EPN2: variants seen among roughly 807,000 people sequenced by gnomAD.
EPN2 encodes the protein epsin 2, also known as epsin-2.
EPN2 carries 34 observed loss-of-function variants against 61.7 expected under a neutral mutation model. The observed-to-expected ratio is 0.55, with a 90% CI of 0.42 to 0.73. The LOEUF is 0.73. EPN2 is among the 30% of genes least tolerant of loss of function. The pLI is 0.00. For missense variants in EPN2, 714 were observed against 839.2 expected, an observed-to-expected ratio of 0.85 and a Z score of 1.84; for synonymous variants, 349 against 353.6, an observed-to-expected ratio of 0.99 and a Z score of 0.15.
chr17:19,329,522 G>A lies in EPN2; in HGVS notation c.1325-39G>A, dbSNP rs770200420. On this transcript the variant is annotated intron_variant, in intron 8 of 10. Transcript: ENST00000314728. ...GGCAGTGGAGTTGCCATGAAGTCCT[G>A]TGAGATGCCCCCAGTCATTGGCTTC... The A allele has an allele frequency of 1.0e-5, 14 of 1,373,316 alleles. No individual in the cohort carries two copies. In the Admixed American group the frequency reaches 2.4e-4, roughly 23 times the overall value. 85.1% of individuals were successfully genotyped at this position (1,373,316 alleles called of 1,614,324 possible). A position where few individuals can be genotyped will look rare whatever the true frequency, so the allele number is the denominator to read the frequency against.
intron 1 of EPN2, among the ~76,000 whole-genome samples, chr17:19,265,637 C>A (rs2045189537): frequency 6.6e-6 from 1 of 152,118 alleles, no homozygotes; most frequent in South Asian, 2.1e-4. Context: ...TTGTCCCCAT[C>A]TTCCTCTGCT....
At chr17:19,288,565 C>A (rs1442473676) in intron 4 of EPN2, among the ~76,000 whole-genome samples, 1 of 152,008 alleles carries the variant, frequency 6.6e-6, no homozygotes, top group African/African-American at 2.4e-5. Context: ...TGTGCAAAGG[C>A]CCTGAGGTGG....
intron 4 of EPN2, among the ~76,000 whole-genome samples, chr17:19,305,756 A>G (rs765872885): frequency 1.3e-4 from 20 of 152,112 alleles, no homozygotes; most frequent in Non-Finnish European, 2.6e-4. Flanking sequence ...CCTGGAGCAG[A>G]CAGGGTGGAC....
intron 4 of EPN2, among the ~76,000 whole-genome samples, chr17:19,287,986 C>A (rs539264566): frequency 6.6e-6 from 1 of 152,196 alleles, no homozygotes; most frequent in East Asian, 1.9e-4. Flanking sequence ...GCCTTCTGAC[C>A]AATTTCCTGC....
At chr17:19,287,930 GTC>G (rs1304519814) in intron 4 of EPN2, among the ~76,000 whole-genome samples, 2 of 152,170 alleles carry the variant, frequency 1.3e-5, no homozygotes, top group African/African-American at 2.4e-5. Context: ...GACCTTGGAA[GTC>G]TCTTGAATTG....
Position 19,312,159 on chromosome 17 carries a change from G to A in EPN2, c.972+15G>A, listed in dbSNP as rs748515441. 6.3e-7 allele frequency: 1 copy of A among 1,593,784 alleles called. No homozygotes were observed. The highest frequency in any genetic ancestry group is 1.1e-5 in the South Asian group (1 of 90,630). On this transcript the variant is annotated intron_variant, in intron 6 of 10. Coordinates refer to ENST00000314728, the MANE Select transcript of EPN2 (RefSeq NM_014964.5). ...AAAAGAAAGAGGTAAGAGCTTGCTG[G>A]GAGGGTAGATGTTTCACCCTGTCCT... is the stretch of plus-strand genomic sequence containing the variant.
intron 1 of EPN2, among the ~76,000 whole-genome samples, chr17:19,242,488 C>T (rs2044895964): frequency 6.6e-6 from 1 of 152,160 alleles, no homozygotes; most frequent in African/African-American, 2.4e-5. Flanking sequence ...AAAATGCTCC[C>T]TATCCATGCA....
chr17:19,265,005 AG>A (rs926602264), intron 1 of EPN2, among the ~76,000 whole-genome samples: 37 of 152,142 alleles, frequency 2.4e-4, no homozygotes, highest in African/African-American at 8.4e-4. Flanking sequence ...GGGAAGGAGA[AG>A]GGGGCAGGTG....
chr17:19,289,074 G>GTTTTTTT (rs1162172422), intron 4 of EPN2, among the ~76,000 whole-genome samples: 5 of 68,688 alleles, frequency 7.3e-5, no homozygotes, highest in Non-Finnish European at 1.3e-4. Flanking sequence ...TTCTGGGTAT[G>GTTTTTTT]TTTTTTTTTT....
chr17:19,312,870 A>G, intron 6 of EPN2: 1 of 494,922 alleles, frequency 2.0e-6, no homozygotes, highest in East Asian at 3.8e-5. Context: ...TTGAGCCCTG[A>G]GGTCTCTGAA....
intron 1 of EPN2, 67 bp from the exon 2 acceptor site, chr17:19,281,888 G>A (rs2152216855): frequency 6.6e-6 from 1 of 152,318 alleles, no homozygotes; most frequent in East Asian, 1.9e-4. Flanking sequence ...TTCATCCCCT[G>A]CCAGACTGTG....
At chr17:19,320,419 A>C (rs1906588198) in intron 7 of EPN2, among the ~76,000 whole-genome samples, 1 of 152,180 alleles carries the variant, frequency 6.6e-6, no homozygotes, top group Non-Finnish European at 1.5e-5. Context: ...CAGGCTTGTA[A>C]GTCTGAGCTG....
In EPN2 at chr17:19,329,643, A is replaced by T. The variant is rs1242935768; in HGVS notation, c.1407A>T (p.Lys469Asn). The change falls in exon 9 of 11, where the codon AAA (lysine) becomes AAT (asparagine). Residue 469 changes from lysine to asparagine, a missense_variant. This residue lies in a region of EPN2 where 410 missense variants were observed against 421.8 expected (regional missense o/e 0.97). Transcript: ENST00000314728. ...SEFDNLRTSKKTAESVTSLPS... is the reference protein window; with the variant it reads ...SEFDNLRTSKNTAESVTSLPS... ...TTGACAACCTTCGGACTTCAAAAAA[A>T]ACAGGTATGTACAGGTGATGATGGT... 2 of 1,593,786 alleles carry T rather than the reference A, an allele frequency of 1.3e-6. No individual in the cohort carries two copies. Among genetic ancestry groups the T allele is most frequent in the South Asian group, 2.2e-5 (2 of 90,614 alleles).
At chr17:19,277,535 A>C (rs143087486) in intron 1 of EPN2, among the ~76,000 whole-genome samples, 1 of 151,964 alleles carries the variant, frequency 6.6e-6, no homozygotes, top group Admixed American at 6.6e-5. Flanking sequence ...TTAAATGTTT[A>C]CAGGCTGTCC....
At chr17:19,239,191 A>C (rs2044851986) in intron 1 of EPN2, among the ~76,000 whole-genome samples, 1 of 152,224 alleles carries the variant, frequency 6.6e-6, no homozygotes, top group African/African-American at 2.4e-5. Flanking sequence ...TCTGTCACCC[A>C]GGCTAGAGTG....
intron 1 of EPN2, among the ~76,000 whole-genome samples, chr17:19,253,509 G>A (rs779750040): frequency 2.2e-4 from 34 of 151,128 alleles, no homozygotes; most frequent in Non-Finnish European, 4.4e-4. Context: ...TGACTTCCTG[G>A]GCTCAAGGGA....
chr17:19,260,591 G>T (rs1221593892), intron 1 of EPN2, among the ~76,000 whole-genome samples: 2 of 151,764 alleles, frequency 1.3e-5, no homozygotes, highest in Non-Finnish European at 2.9e-5. Context: ...CTTTGATGTG[G>T]CTCTGGTATT....
intron 1 of EPN2, among the ~76,000 whole-genome samples, chr17:19,256,167 G>A (rs1394076504): frequency 6.6e-6 from 1 of 152,002 alleles, no homozygotes; most frequent in Non-Finnish European, 1.5e-5. Context: ...GCGATCTCCT[G>A]ACCTCGTGAT....
intron 1 of EPN2, among the ~76,000 whole-genome samples, chr17:19,252,436 A>G (rs1181657205): frequency 1.3e-5 from 2 of 152,182 alleles, no homozygotes; most frequent in African/African-American, 2.4e-5. Context: ...GAAAAATAGA[A>G]TAATTTAGTG....
Sources: allele counts gnomAD v4.1 joint callset (sites outside exome capture counted in the v4.1 genomes callset), GRCh38; gene constraint gnomAD v4.1.1; regional missense constraint gnomAD v4.1.1; transcripts MANE v1.5; gene names NCBI Gene and HGNC (gene_info 2026-07-23, HGNC 2026-07-21).